The following RAPGEF5 variants were observed in gnomAD, a reference collection of about 807,000 sequenced individuals.
RAPGEF5 encodes the protein M-Ras-regulated GEF.
Under a neutral mutation model 125.2 loss-of-function variants are expected in RAPGEF5, and 65 were observed. That is an observed-to-expected ratio of 0.52 (90% CI 0.43 to 0.64). The LOEUF (loss-of-function observed/expected upper bound fraction) is 0.64, where lower values mean the gene tolerates loss of function less well. RAPGEF5 is among the 30% of genes least tolerant of loss of function. The probability of loss-of-function intolerance (pLI) is 0.00; values close to 1 mark genes in which losing one functional copy is unlikely to be tolerated. For missense variants in RAPGEF5, 958 were observed against 1,048.1 expected (o/e 0.91, Z 1.19); for synonymous variants, 391 against 385.9 (o/e 1.01, Z -0.16).
intron 6 of RAPGEF5, among the ~76,000 whole-genome samples, chr7:22,287,092 T>C (rs1337401678): frequency 6.6e-6 from 1 of 152,262 alleles, no homozygotes; most frequent in Non-Finnish European, 1.5e-5. Context: ...AGACTTTATG[T>C]AATGGAAAGG....
chr7:22,214,159 G>T (rs906560968), intron 9 of RAPGEF5, among the ~76,000 whole-genome samples: 2 of 152,182 alleles, frequency 1.3e-5, no homozygotes, highest in African/African-American at 4.8e-5. Context: ...TCCGGTTGAG[G>T]CTGAGTGATA....
intron 6 of RAPGEF5, among the ~76,000 whole-genome samples, chr7:22,280,986 T>G (rs973480857): frequency 6.6e-6 from 1 of 152,238 alleles, no homozygotes; most frequent in African/African-American, 2.4e-5. Context: ...AATATACTTC[T>G]GACTTTAAGA....
intron 11 of RAPGEF5, among the ~76,000 whole-genome samples, chr7:22,174,747 G>T (rs1292087678): frequency 6.6e-6 from 1 of 152,212 alleles, no homozygotes; most frequent in Non-Finnish European, 1.5e-5. Context: ...AAGACCAGAA[G>T]TGACAAGAGA....
intron 9 of RAPGEF5, among the ~76,000 whole-genome samples, chr7:22,199,509 A>G (rs992636357): frequency 8.3e-6 from 1 of 120,214 alleles, no homozygotes; most frequent in Non-Finnish European, 1.6e-5. Context: ...ATTTTATGTT[A>G]TGTAAGTTTT....
chr7:22,163,856 T>C (rs1784081117), intron 12 of RAPGEF5, among the ~76,000 whole-genome samples: 1 of 152,188 alleles, frequency 6.6e-6, no homozygotes, highest in Non-Finnish European at 1.5e-5. Flanking sequence ...AATTGCAAAA[T>C]TGGAATAAAC....
intron 7 of RAPGEF5, among the ~76,000 whole-genome samples, chr7:22,248,833 A>G (rs1786546030): frequency 6.6e-6 from 1 of 152,194 alleles, no homozygotes; most frequent in Admixed American, 6.5e-5. Flanking sequence ...TAGAACCTAT[A>G]AAAGTAAGAT....
chr7:22,174,236 T>A (rs1171032807), intron 11 of RAPGEF5, among the ~76,000 whole-genome samples: 4 of 151,976 alleles, frequency 2.6e-5, no homozygotes, highest in African/African-American at 9.7e-5. Context: ...AACAAAAACT[T>A]GAGAACTATG....
intron 7 of RAPGEF5, among the ~76,000 whole-genome samples, chr7:22,236,679 C>T (rs1047312380): frequency 1.3e-5 from 2 of 152,174 alleles, no homozygotes; most frequent in African/African-American, 2.4e-5. Context: ...TAGGCTGCTA[C>T]GGCATGGCCT....
At chr7:22,348,724 A>G (rs1056896464) in intron 1 of RAPGEF5, among the ~76,000 whole-genome samples, 1 of 152,238 alleles carries the variant, frequency 6.6e-6, no homozygotes, top group Non-Finnish European at 1.5e-5. Context: ...TGGTTACCAG[A>G]GGCCAGGAAG....
rs78232939 is a variant in RAPGEF5, at chr7:22,157,345, C to A, written c.1558-457G>T. Among the ~76,000 whole-genome samples the A allele has an allele frequency of 3.9e-3, 589 of 152,310 alleles. 9 individuals carry two copies. The highest frequency in any genetic ancestry group is 0.014 in the African/African-American group (575 of 41,582). ...TCCTAAGGGACACAGGCATGCTGTTCATTATGATTATCCACCTGATATAGC... is the reference window on the plus strand; with the variant it reads ...TCCTAAGGGACACAGGCATGCTGTTAATTATGATTATCCACCTGATATAGC... On this transcript the variant is annotated intron_variant, in intron 15 of 25. Coordinates refer to ENST00000665637, the MANE Select transcript of RAPGEF5 (RefSeq NM_012294.5).
At chr7:22,296,476 CTGTT>C (rs1783063765) in intron 5 of RAPGEF5, among the ~76,000 whole-genome samples, 1 of 152,160 alleles carries the variant, frequency 6.6e-6, no homozygotes, top group South Asian at 2.1e-4. Context: ...TGAGGATAGA[CTGTT>C]TGATTAACTT....
intron 9 of RAPGEF5, among the ~76,000 whole-genome samples, chr7:22,201,736 C>T (rs192858356): frequency 2.0e-5 from 3 of 152,330 alleles, no homozygotes; most frequent in Admixed American, 6.5e-5. Context: ...TAGTCAATCA[C>T]ACAGGTGTTA....
intron 7 of RAPGEF5, among the ~76,000 whole-genome samples, chr7:22,260,556 A>C (rs905399587): frequency 1.3e-5 from 2 of 151,710 alleles, no homozygotes; most frequent in Non-Finnish European, 2.9e-5. Context: ...AAGATATTAC[A>C]AAAAATAGTT....
At position 22,239,962 on chromosome 7, in the gene RAPGEF5, A is replaced by T. The variant is rs146622856; in HGVS notation, c.797-9043T>A. ...GGTGGCTCATGCCTGTAATCCCAGC[A>T]CTTTGGGAGGCCGAGGCGGGCGGAT... On this transcript the variant is annotated intron_variant, in intron 7 of 25. Transcript: ENST00000665637. Among the ~76,000 whole-genome samples, 759 of 152,108 alleles carry T rather than the reference A, an allele frequency of 5.0e-3. 14 individuals are homozygous for T. The East Asian group carries it at 0.062, about 12-fold the overall frequency.
intron 6 of RAPGEF5, among the ~76,000 whole-genome samples, chr7:22,270,678 C>A (rs967873093): frequency 6.6e-6 from 1 of 152,186 alleles, no homozygotes; most frequent in Non-Finnish European, 1.5e-5. Flanking sequence ...CTGTCATAAC[C>A]CTTCCCTACT....
chr7:22,131,052 G>A lies in RAPGEF5; in HGVS notation c.2466C>T (p.Val822=), dbSNP rs1188415410. The A allele has an allele frequency of 6.5e-7, 1 of 1,539,168 alleles. No homozygotes were observed. Among genetic ancestry groups the A allele is most frequent in the East Asian group, 2.5e-5 (1 of 40,720 alleles). The change falls in exon 24 of 26, where the codon GTC becomes GTT. Residue 822 remains valine (V), a synonymous_variant. Coordinates refer to ENST00000665637, the MANE Select transcript of RAPGEF5 (RefSeq NM_012294.5). The part of the protein sequence containing the change: ...EGNKTFLDNL[V]NFEKLHMIAD... Reference sequence around the variant, plus strand: ...ATTTACGTACCAGCTTTTCAAAATTGACAAGATTATCCAAAAAAGTTTTAT... The same window carrying A: ...ATTTACGTACCAGCTTTTCAAAATTAACAAGATTATCCAAAAAAGTTTTAT...
intron 11 of RAPGEF5, among the ~76,000 whole-genome samples, chr7:22,178,521 G>T (rs529129624): frequency 6.6e-6 from 1 of 152,162 alleles, no homozygotes; most frequent in Non-Finnish European, 1.5e-5. Context: ...GGTCTGACAA[G>T]TACCTGTTAA....
At chr7:22,250,022 G>A (rs936424882) in intron 7 of RAPGEF5, among the ~76,000 whole-genome samples, 7 of 152,146 alleles carry the variant, frequency 4.6e-5, no homozygotes, top group South Asian at 2.1e-4. Flanking sequence ...ACTTTGATGC[G>A]GCTATCAGAA....
chr7:22,284,491 G>A (rs1294636407), intron 6 of RAPGEF5, among the ~76,000 whole-genome samples: 2 of 152,092 alleles, frequency 1.3e-5, no homozygotes, highest in Non-Finnish European at 2.9e-5. Flanking sequence ...CGTCTTCTCC[G>A]GTCTCACTTG....
Sources: gnomAD v4.1 joint callset for allele counts (sites outside exome capture counted in the v4.1 genomes callset) on GRCh38, gnomAD v4.1.1 for gene constraint, MANE v1.5 for transcripts, NCBI Gene and HGNC (gene_info 2026-07-23, HGNC 2026-07-21) for gene names.